KIF23: variants seen among roughly 807,000 people sequenced by gnomAD.
KIF23 encodes kinesin family member 23.
KIF23 carries 30 observed loss-of-function variants against 137.5 expected under a neutral mutation model. The ratio of observed to expected loss-of-function variants is 0.22; its 90% confidence interval spans 0.16 to 0.30. The LOEUF (loss-of-function observed/expected upper bound fraction) is 0.30. Among genes scored for constraint, KIF23 ranks in the 10% least tolerant of loss-of-function variants. KIF23 has a pLI of 1.00. For synonymous variants in KIF23, 367 were observed against 391.1 expected (o/e 0.94, Z 0.73); for missense variants, 920 against 1,194.3 (o/e 0.77, Z 3.38).
intron 8 of KIF23, 85 bp from the exon 9 acceptor site, chr15:69,425,985 T>A (rs2057178900): frequency 2.2e-6 from 1 of 451,556 alleles, no homozygotes; most frequent in African/African-American, 2.1e-5. Context: ...ACATGTCATG[T>A]CACTTGGCGT....
chr15:69,419,404 T>C (rs2140316538), intron 3 of KIF23, among the ~76,000 whole-genome samples: 1 of 152,368 alleles, frequency 6.6e-6, no homozygotes, highest in East Asian at 1.9e-4. Flanking sequence ...CCCATCTGTC[T>C]CTCCACCTTC....
chr15:69,435,409 T>C, intron 11 of KIF23, 74 bp from the exon 12 acceptor site: 2 of 1,193,826 alleles, frequency 1.7e-6, no homozygotes. Context: ...GTTGAGATTT[T>C]ATAGGCAAAC....
chr15:69,439,718 G>A (rs2140396001), intron 16 of KIF23, among the ~76,000 whole-genome samples, 186 bp from the exon 17 acceptor site: 1 of 152,288 alleles, frequency 6.6e-6, no homozygotes, highest in South Asian at 2.1e-4. Flanking sequence ...TGAGGAGCTT[G>A]TTTAACATGT....
chr15:69,447,821 G>T lies in KIF23; in HGVS notation c.*14G>T, dbSNP rs751766866. The T allele has an allele frequency of 5.0e-6, 8 of 1,604,720 alleles. No individual in the cohort carries two copies. The highest frequency in any genetic ancestry group is 6.0e-6 in the Non-Finnish European group (7 of 1,173,176). ...AAAAAGCCATGAACTGACAGTCCCAGTACTGAAAGAACATTTTCATTTGTG... is the reference window on the plus strand; with the variant it reads ...AAAAAGCCATGAACTGACAGTCCCATTACTGAAAGAACATTTTCATTTGTG... On this transcript the variant is annotated 3_prime_UTR_variant, in exon 24 of 24. Transcript: ENST00000679126.
chr15:69,446,607 G>C, intron 22 of KIF23: 1 of 615,866 alleles, frequency 1.6e-6, no homozygotes, highest in Non-Finnish European at 2.9e-6. Context: ...AGGAGGCTAA[G>C]CTATGGCCTT....
chr15:69,447,073 T>C (rs1002727062), intron 23 of KIF23, 132 bp downstream of exon 23: 27 of 821,402 alleles, frequency 3.3e-5, no homozygotes, highest in Non-Finnish European at 5.5e-5. Flanking sequence ...CCCCTTGGAC[T>C]ATCTGGGCCT....
chr15:69,427,783 T>C (rs1446885776), intron 10 of KIF23, among the ~76,000 whole-genome samples: 1 of 152,196 alleles, frequency 6.6e-6, no homozygotes, highest in Admixed American at 6.5e-5. Flanking sequence ...ATTATGAAGA[T>C]TTATAAGTGG....
chr15:69,415,933 G>A, intron 1 of KIF23, 61 bp from the exon 2 acceptor site: 1 of 1,220,102 alleles, frequency 8.2e-7, no homozygotes, highest in Non-Finnish European at 1.1e-6. Flanking sequence ...TTTTAGGTGA[G>A]GCTTTTGTAT....
intron 2 of KIF23, 143 bp downstream of exon 2, chr15:69,416,206 C>G (rs1300349832): frequency 2.0e-6 from 1 of 499,322 alleles, no homozygotes; most frequent in African/African-American, 2.0e-5. Flanking sequence ...GGATGTACTA[C>G]ATTGTGTAAA....
In KIF23 at chr15:69,426,337, C is replaced by A; in HGVS notation, c.891C>A (p.Gly297=). Reference sequence around the variant, plus strand: ...CCAATGATTTCTCTGTTGTCCTAGGCCAGAAAAAGAGACGTATTGCTAATA... The same window carrying A: ...CCAATGATTTCTCTGTTGTCCTAGGACAGAAAAAGAGACGTATTGCTAATA... ...TEEAFEVFWR[G]QKKRRIANTH... is the part of the protein sequence containing the mutation. The change falls in exon 10 of 24, where the codon GGC becomes GGA. Residue 297 remains glycine (G), a splice_region_variant and synonymous_variant. Transcript: ENST00000679126. The A allele has an allele frequency of 6.2e-7, 1 of 1,613,918 alleles. No individual in the cohort carries two copies.
At chr15:69,433,697 G>A (rs1391351741) in intron 11 of KIF23, among the ~76,000 whole-genome samples, 1 of 152,092 alleles carries the variant, frequency 6.6e-6, no homozygotes, top group African/African-American at 2.4e-5. Flanking sequence ...GGGATCTGCT[G>A]CCTTAGAGAA....
chr15:69,426,197 G>A lies in KIF23; in HGVS notation c.889+15G>A. ...TTTCTGGAGAGGTTAGAAACACCTA[G>A]AACTAGAAAAATACAGAATGATGAA... On this transcript the variant is annotated intron_variant, in intron 9 of 23. Coordinates refer to ENST00000679126, the MANE Select transcript of KIF23 (RefSeq NM_001367805.3). The A allele has an allele frequency of 1.3e-6, 2 of 1,594,392 alleles. No homozygotes were observed. Among genetic ancestry groups the A allele is most frequent in the South Asian group, 2.3e-5 (2 of 88,538 alleles).
In KIF23 at chr15:69,440,949, A is replaced by C; in HGVS notation, c.2291A>C (p.Gln764Pro). 6.2e-7 allele frequency: 1 copy of C among 1,614,248 alleles called. No homozygotes were observed. Among genetic ancestry groups the C allele is most frequent in the East Asian group, 2.2e-5 (1 of 44,888 alleles). The change falls in exon 19 of 24, where the codon CAG becomes CCG. Residue 764 changes from glutamine (Q) to proline (P), a missense_variant. Around this residue, in one of 4 missense-constraint regions of KIF23, gnomAD observed 714 missense variants for 866.2 expected, o/e 0.82. Coordinates refer to ENST00000679126, the MANE Select transcript of KIF23 (RefSeq NM_001367805.3). The stretch of plus-strand genomic sequence containing the variant: ...GTCACATCTATTGCAAGGCGTAGGC[A>C]GCAGGAGCCAGGACAAAGCAAAACT... ...LKVTSIARRR[Q>P]QEPGQSKTCI... is the part of the protein sequence containing the mutation.
At position 69,422,299 on chromosome 15, in the gene KIF23, A is replaced by ATT. The variant is rs200419497; in HGVS notation, c.454-15_454-14dup. Reference sequence around the variant, plus strand: ...GTTAAATTCTAAAAAACGTGGTGTGATTTTTTTTTTTTTGCCCCCACTTCA... The same window carrying ATT: ...GTTAAATTCTAAAAAACGTGGTGTGATTTTTTTTTTTTTTTGCCCCCACTTCA... On this transcript the variant is annotated intron_variant, in intron 5 of 23. Coordinates refer to ENST00000679126, the MANE Select transcript of KIF23 (RefSeq NM_001367805.3). 753 of 1,180,940 alleles carry ATT rather than the reference A, an allele frequency of 6.4e-4. 2 individuals carry two copies. Among genetic ancestry groups the ATT allele is most frequent in the Admixed American group, 5.0e-3 (211 of 42,086 alleles). The allele number at this position is 1,180,940 out of a possible 1,614,324, so 73.2% of individuals were successfully genotyped here.
intron 19 of KIF23, among the ~76,000 whole-genome samples, chr15:69,442,797 C>T (rs889187236): frequency 5.3e-5 from 8 of 152,116 alleles, no homozygotes; most frequent in African/African-American, 1.9e-4. Context: ...GAGATTCTTA[C>T]GTGAAATCAA....
rs1346039225 is a variant in KIF23 at position 69,448,367 on chromosome 15, A to C, written c.*560A>C. On this transcript the variant is annotated 3_prime_UTR_variant, in exon 24 of 24. Coordinates refer to ENST00000679126, the MANE Select transcript of KIF23 (RefSeq NM_001367805.3). The stretch of plus-strand genomic sequence containing the variant: ...GGTGTTTTGAATTCTGTATGTATAT[A>C]TTCACTTTCTGACATTTAGATATGC... 6.6e-6 allele frequency: 1 copy of C among 152,628 alleles called. No homozygotes were observed. Among genetic ancestry groups the C allele is most frequent in the Non-Finnish European group, 1.5e-5 (1 of 68,038 alleles). 9.5% of individuals were successfully genotyped at this position (152,628 alleles called of 1,614,324 possible). A position where few individuals can be genotyped will look rare whatever the true frequency, so the allele number is the denominator to read the frequency against.
At chr15:69,424,948 A>C (rs576393736) in intron 7 of KIF23, among the ~76,000 whole-genome samples, 1 of 152,292 alleles carries the variant, frequency 6.6e-6, no homozygotes, top group Non-Finnish European at 1.5e-5. Flanking sequence ...AAATGAGATT[A>C]TTTTCAAAGG....
intron 1 of KIF23, chr15:69,415,002 C>T (rs2056861306): frequency 6.5e-6 from 1 of 153,062 alleles, no homozygotes; most frequent in South Asian, 2.1e-4. Flanking sequence ...TCCTTGAGGC[C>T]GAGCCCATCC....
Position 69,414,437 on chromosome 15 carries a change from C to A in KIF23, c.-29C>A. 1 of 1,581,142 alleles carries A rather than the reference C, an allele frequency of 6.3e-7. No individual in the cohort carries two copies. Among genetic ancestry groups the A allele is most frequent in the Non-Finnish European group, 8.6e-7 (1 of 1,163,818 alleles). On this transcript the variant is annotated 5_prime_UTR_variant, in exon 1 of 24. Coordinates refer to ENST00000679126, the MANE Select transcript of KIF23 (RefSeq NM_001367805.3). ...CTTCGCCAGCCAGCCGTCCCGCATG[C>A]GCGTTTGGGCGGCGTGGAGCCTGCT...
Sources: gnomAD v4.1 joint callset for allele counts (sites outside exome capture counted in the v4.1 genomes callset) on GRCh38, gnomAD v4.1.1 for gene constraint, gnomAD v4.1.1 regional missense constraint, MANE v1.5 for transcripts, NCBI Gene and HGNC (gene_info 2026-07-23, HGNC 2026-07-21) for gene names.